HPSE2: variants seen among roughly 807,000 people sequenced by gnomAD.
HPSE2 encodes the protein inactive heparanase-2.
In HPSE2, 38 loss-of-function variants were observed where a neutral mutation model predicts 60.5. The observed-to-expected ratio is 0.63, with a 90% CI of 0.48 to 0.82. The LOEUF is 0.82. HPSE2 is among the 40% of genes least tolerant of loss of function. The pLI is 0.00. For synonymous variants in HPSE2, 295 were observed against 293.2 expected, an observed-to-expected ratio of 1.01 and a Z score of -0.06; for missense variants, 713 against 740.4, an observed-to-expected ratio of 0.96 and a Z score of 0.43.
chr10:98,976,320 C>T (rs1005692149), intron 3 of HPSE2, among the ~76,000 whole-genome samples: 2 of 152,102 alleles, frequency 1.3e-5, no homozygotes, highest in African/African-American at 4.8e-5. Flanking sequence ...TACTATGTGC[C>T]AGGTATTGTT....
At chr10:98,972,248 ATTC>A (rs1955973655) in intron 3 of HPSE2, among the ~76,000 whole-genome samples, 1 of 151,362 alleles carries the variant, frequency 6.6e-6, no homozygotes, top group Admixed American at 6.6e-5. Flanking sequence ...TTGTTGCTGT[ATTC>A]TTGTTGATTC....
intron 3 of HPSE2, among the ~76,000 whole-genome samples, chr10:98,854,351 T>C (rs1018193414): frequency 1.3e-5 from 2 of 152,152 alleles, no homozygotes; most frequent in African/African-American, 4.8e-5. Flanking sequence ...AAGACTGAAA[T>C]CTGTTTTGTT....
chr10:98,487,029 C>A (rs1219868634), intron 10 of HPSE2, among the ~76,000 whole-genome samples: 1 of 152,150 alleles, frequency 6.6e-6, no homozygotes, highest in Non-Finnish European at 1.5e-5. Context: ...AATAAATGAA[C>A]TTGAACCCCA....
chr10:98,586,748 G>A (rs180873848), intron 9 of HPSE2, among the ~76,000 whole-genome samples: 10 of 152,204 alleles, frequency 6.6e-5, no homozygotes, highest in Admixed American at 5.2e-4. Flanking sequence ...ATTCTCCCAC[G>A]GTGGGATTCA....
intron 9 of HPSE2, among the ~76,000 whole-genome samples, chr10:98,536,434 T>C (rs564753993): frequency 1.3e-5 from 2 of 152,314 alleles, no homozygotes; most frequent in African/African-American, 4.8e-5. Flanking sequence ...AGCACTTCAA[T>C]GTGAACAAAG....
intron 2 of HPSE2, among the ~76,000 whole-genome samples, chr10:99,187,950 T>G (rs911786041): frequency 3.3e-5 from 5 of 152,234 alleles, no homozygotes; most frequent in African/African-American, 1.2e-4. Context: ...ATAGCAGTTT[T>G]ATTCATAATA....
chr10:99,095,122 G>C (rs566593207), intron 3 of HPSE2, among the ~76,000 whole-genome samples: 6 of 152,042 alleles, frequency 3.9e-5, no homozygotes, highest in Admixed American at 3.3e-4. Flanking sequence ...GGAGTTCAAG[G>C]CTGCAGTGAG....
chr10:99,049,050 T>C (rs972129073), intron 3 of HPSE2, among the ~76,000 whole-genome samples: 6 of 152,016 alleles, frequency 3.9e-5, no homozygotes, highest in African/African-American at 7.2e-5. Flanking sequence ...GACATAAACA[T>C]GGGAAAAATA....
the HPSE2 span, among the ~76,000 whole-genome samples, chr10:99,251,122 T>C: frequency 6.6e-6 from 1 of 151,832 alleles, no homozygotes; most frequent in Admixed American, 6.6e-5. Flanking sequence ...AAAGAAAAAA[T>C]AGAGAATATC....
At chr10:99,164,136 C>T (rs1020367296) in intron 2 of HPSE2, among the ~76,000 whole-genome samples, 1 of 149,248 alleles carries the variant, frequency 6.7e-6, no homozygotes, top group Non-Finnish European at 1.5e-5. Context: ...TGTTCCAATT[C>T]TTATTTTCTC....
At chr10:98,885,000 GC>G (rs1406114659) in intron 3 of HPSE2, among the ~76,000 whole-genome samples, 2 of 152,148 alleles carry the variant, frequency 1.3e-5, no homozygotes, top group Non-Finnish European at 2.9e-5. Flanking sequence ...ATGGATCTAA[GC>G]AAAGCAAATT....
intron 2 of HPSE2, among the ~76,000 whole-genome samples, chr10:99,220,664 G>T (rs1364461337): frequency 6.6e-6 from 1 of 151,830 alleles, no homozygotes; most frequent in Non-Finnish European, 1.5e-5. Context: ...TTATCTGGGC[G>T]TGGTGGCGCA....
intron 11 of HPSE2, among the ~76,000 whole-genome samples, chr10:98,469,209 TA>T (rs1940677842): frequency 6.6e-6 from 1 of 152,186 alleles, no homozygotes; most frequent in South Asian, 2.1e-4. Context: ...AGAGCCTGAC[TA>T]AGGAACCTGG....
intron 9 of HPSE2, among the ~76,000 whole-genome samples, chr10:98,600,835 GAT>G (rs1453265929): frequency 1.3e-4 from 18 of 137,728 alleles, no homozygotes; most frequent in Non-Finnish European, 2.5e-4. Context: ...TATACACAAA[GAT>G]ATATATACAC....
At chr10:98,582,855 A>G (rs1314171099) in intron 9 of HPSE2, among the ~76,000 whole-genome samples, 1 of 152,160 alleles carries the variant, frequency 6.6e-6, no homozygotes, top group Non-Finnish European at 1.5e-5. Flanking sequence ...GAACATTTTC[A>G]TCACCCACAA....
chr10:98,792,528 A>C (rs1188618542), intron 3 of HPSE2, among the ~76,000 whole-genome samples: 1 of 152,132 alleles, frequency 6.6e-6, no homozygotes, highest in Non-Finnish European at 1.5e-5. Flanking sequence ...TGGAAAGAAT[A>C]AAGGGTATTT....
chr10:98,890,853 T>C (rs756956678), intron 3 of HPSE2, among the ~76,000 whole-genome samples: 5 of 152,208 alleles, frequency 3.3e-5, no homozygotes, highest in South Asian at 4.1e-4. Context: ...CAGGACTAGA[T>C]TGTAAACATT....
intron 2 of HPSE2, among the ~76,000 whole-genome samples, chr10:99,164,937 G>T (rs1002934932): frequency 1.3e-5 from 2 of 152,038 alleles, no homozygotes; most frequent in African/African-American, 4.8e-5. Context: ...TAAAAAATTA[G>T]CTGGGCATGG....
At chr10:98,873,181 C>G (rs377473537) in intron 3 of HPSE2, among the ~76,000 whole-genome samples, 3 of 152,032 alleles carry the variant, frequency 2.0e-5, no homozygotes, top group African/African-American at 7.2e-5. Flanking sequence ...TTAAATAACA[C>G]TTGAATCCCA....
Sources: gnomAD v4.1 joint callset for allele counts (sites outside exome capture counted in the v4.1 genomes callset) on GRCh38, gnomAD v4.1.1 for gene constraint, MANE v1.5 for transcripts, NCBI Gene and HGNC (gene_info 2026-07-23, HGNC 2026-07-21) for gene names.